ABCA12: variants seen among roughly 807,000 people sequenced by gnomAD.
The protein encoded by ABCA12 is glucosylceramide transporter ABCA12.
ABCA12 carries 156 observed loss-of-function variants against 293.5 expected under a neutral mutation model. The observed-to-expected ratio is 0.53, with a 90% CI of 0.47 to 0.61. The LOEUF (loss-of-function observed/expected upper bound fraction) is 0.61, where lower values mean the gene tolerates loss of function less well. ABCA12 is among the 20% of genes least tolerant of loss of function. The pLI, the probability that ABCA12 is intolerant of heterozygous loss-of-function variation, is 0.00. For missense variants in ABCA12, 2,797 were observed against 3,090.2 expected (o/e 0.91, Z 2.25); for synonymous variants, 1,063 against 1,108.0 (o/e 0.96, Z 0.81).
chr2:215,106,703 T>C (rs904245966), intron 2 of ABCA12, among the ~76,000 whole-genome samples: 2 of 150,980 alleles, frequency 1.3e-5, no homozygotes, highest in African/African-American at 4.9e-5. Context: ...TCATCCCTGT[T>C]ATTACTTGTA....
intron 1 of ABCA12, among the ~76,000 whole-genome samples, chr2:215,134,340 A>ACGTATATG (rs1559213648): frequency 6.9e-6 from 1 of 144,584 alleles, no homozygotes; most frequent in Non-Finnish European, 1.5e-5. Flanking sequence ...GTACATATAT[A>ACGTATATG]TGTATATGTG....
At chr2:215,122,120 A>G (rs186110566) in intron 1 of ABCA12, among the ~76,000 whole-genome samples, 1 of 152,316 alleles carries the variant, frequency 6.6e-6, no homozygotes, top group East Asian at 1.9e-4. Context: ...TACAGAAGCA[A>G]CGGATTTTTA....
intron 51 of ABCA12, among the ~76,000 whole-genome samples, chr2:214,936,734 A>G (rs905469132): frequency 6.6e-6 from 1 of 152,116 alleles, no homozygotes; most frequent in Non-Finnish European, 1.5e-5. Context: ...TCCTGCTCCA[A>G]CTTTTGTGGG....
At chr2:214,967,079 C>A in intron 38 of ABCA12, 126 bp from the exon 39 acceptor site, 2 of 855,666 alleles carry the variant, frequency 2.3e-6, no homozygotes, top group East Asian at 5.3e-5. Flanking sequence ...TTTATTTTAT[C>A]TTGGAAGATT....
intron 3 of ABCA12, among the ~76,000 whole-genome samples, chr2:215,063,319 TATA>T (rs530660122): frequency 4.3e-4 from 66 of 152,166 alleles, no homozygotes; most frequent in African/African-American, 1.6e-3. Flanking sequence ...TATAGATAAA[TATA>T]ATATTTTCTT....
At position 214,956,810 on chromosome 2, in the gene ABCA12, G is replaced by A. The variant is rs376801730; in HGVS notation, c.6118-32C>T. ...AAATATTCAAAACAATGTTTAATAC[G>A]TGACAAGCATTTTTCAAAAAAAAAA... On this transcript the variant is annotated intron_variant, in intron 41 of 52. Transcript: ENST00000272895. The A allele has an allele frequency of 4.3e-5, 62 of 1,430,110 alleles. No individual in the cohort carries two copies. In the East Asian group the frequency reaches 5.5e-4, roughly 13 times the overall value. 88.6% of individuals were successfully genotyped at this position (1,430,110 alleles called of 1,614,324 possible). A position where few individuals can be genotyped will look rare whatever the true frequency, so the allele number is the denominator to read the frequency against.
intron 6 of ABCA12, among the ~76,000 whole-genome samples, chr2:215,048,964 G>C (rs1463181077): frequency 6.6e-6 from 1 of 152,252 alleles, no homozygotes; most frequent in East Asian, 1.9e-4. Flanking sequence ...AGAACACGTG[G>C]ACACAAAGAG....
At chr2:215,047,036 GAC>G (rs751471842) in intron 6 of ABCA12, among the ~76,000 whole-genome samples, 2 of 152,106 alleles carry the variant, frequency 1.3e-5, no homozygotes, top group Non-Finnish European at 2.9e-5. Context: ...AGAACACATG[GAC>G]ACACAGAGGG....
At chr2:215,131,700 T>TC (rs1244619101) in intron 1 of ABCA12, among the ~76,000 whole-genome samples, 1 of 75,042 alleles carries the variant, frequency 1.3e-5, no homozygotes, top group Non-Finnish European at 2.5e-5. Flanking sequence ...ATCCTTTCTA[T>TC]TGTTTTTTTT....
chr2:214,982,149 G>C, intron 30 of ABCA12, 38 bp downstream of exon 30: 1 of 1,605,040 alleles, frequency 6.2e-7, no homozygotes, highest in Non-Finnish European at 8.5e-7. Context: ...GCAGAAGTAT[G>C]ACTGTTGGGT....
rs547242930 is a variant in ABCA12, at chr2:214,959,517, C to T, written c.5885-439G>A. On this transcript the variant is annotated intron_variant, in intron 39 of 52. Transcript: ENST00000272895. ...TCCCTTAAAGAGCAGACAGTTACTTCCCCCATCCCTCTTTAGTGCTGTCTG... is the reference window on the plus strand; with the variant it reads ...TCCCTTAAAGAGCAGACAGTTACTTTCCCCATCCCTCTTTAGTGCTGTCTG... Among the ~76,000 whole-genome samples, 4 of 152,240 alleles carry T rather than the reference C, an allele frequency of 2.6e-5. No individual in the cohort carries two copies. The South Asian group carries it at 8.3e-4, about 32-fold the overall frequency.
At chr2:214,986,753 T>G in intron 27 of ABCA12, 25 bp from the exon 28 acceptor site, 1 of 1,607,588 alleles carries the variant, frequency 6.2e-7, no homozygotes, top group Middle Eastern at 1.7e-4. Flanking sequence ...AGGGAAGAGT[T>G]GTAAACTCAC....
chr2:214,937,543 G>A lies in ABCA12; in HGVS notation c.7509C>T (p.Phe2503=). Residue 2503 remains phenylalanine, a synonymous_variant, in exon 51 of 53, where the codon TTC becomes TTT. Transcript: ENST00000272895. ...NKVTMETLTK[F]MQLHFPKTYL... is the part of the protein sequence containing the mutation. Reference sequence around the variant, plus strand: ...ATGTTTTTGGAAAGTGCAGCTGCATGAACTTTGTGAGGGTCTCCATGGTCA... The same window carrying A: ...ATGTTTTTGGAAAGTGCAGCTGCATAAACTTTGTGAGGGTCTCCATGGTCA... 2 of 1,613,914 alleles carry A rather than the reference G, an allele frequency of 1.2e-6. No individual in the cohort carries two copies. Among genetic ancestry groups the A allele is most frequent in the Non-Finnish European group, 1.7e-6 (2 of 1,179,890 alleles).
Position 215,019,700 on chromosome 2 carries a change from T to G in ABCA12, c.1384A>C (p.Ser462Arg). 1 of 1,614,124 alleles carries G rather than the reference T, an allele frequency of 6.2e-7. No homozygotes were observed. Among genetic ancestry groups the G allele is most frequent in the Non-Finnish European group, 8.5e-7 (1 of 1,180,004 alleles). ...TCAAACTCACTTTCTTCACACAGGC[T>G]CCCAAAGCTCATATCAGAGAGCTGG... is the stretch of plus-strand genomic sequence containing the variant. Reference protein sequence around the residue: ...SCQLSDMSFGSLCEESEFDLQ... With the variant: ...SCQLSDMSFGRLCEESEFDLQ... The change falls in exon 12 of 53, where the codon AGC (serine) becomes CGC (arginine). Residue 462 changes from serine to arginine, a missense_variant. Coordinates refer to ENST00000272895, the MANE Select transcript of ABCA12 (RefSeq NM_173076.3).
At chr2:214,942,004 G>A (rs935057264) in intron 50 of ABCA12, among the ~76,000 whole-genome samples, 2 of 152,044 alleles carry the variant, frequency 1.3e-5, no homozygotes, top group African/African-American at 2.4e-5. Flanking sequence ...TCATTATGAC[G>A]CTAGCTGGTT....
chr2:214,952,662 C>T (rs747303708), intron 44 of ABCA12, among the ~76,000 whole-genome samples: 1 of 152,192 alleles, frequency 6.6e-6, no homozygotes, highest in Non-Finnish European at 1.5e-5. Flanking sequence ...TACACTTCTT[C>T]AAGCACAACT....
Position 215,138,123 on chromosome 2 carries a change from AC to A in ABCA12, c.69+16del. 6.2e-7 allele frequency: 1 copy of A among 1,613,052 alleles called. No individual in the cohort carries two copies. The highest frequency in any genetic ancestry group is 8.5e-7 in the Non-Finnish European group (1 of 1,179,222). On this transcript the variant is annotated intron_variant, in intron 1 of 52. Transcript: ENST00000272895. Reference sequence around the variant, plus strand: ...ATTGCCCCATGACCCATACTCCCACACTTTTTTTTAACTCACCGGCTGCCTT... The same window carrying A: ...ATTGCCCCATGACCCATACTCCCACATTTTTTTTAACTCACCGGCTGCCTT...
At chr2:215,131,964 T>C (rs1703069062) in intron 1 of ABCA12, among the ~76,000 whole-genome samples, 1 of 152,008 alleles carries the variant, frequency 6.6e-6, no homozygotes, top group Non-Finnish European at 1.5e-5. Context: ...TTGCATTTTT[T>C]TAATTTCTGC....
At chr2:215,020,280 G>T (rs1700599305) in intron 11 of ABCA12, among the ~76,000 whole-genome samples, 1 of 108,244 alleles carries the variant, frequency 9.2e-6, no homozygotes, top group South Asian at 3.7e-4. Flanking sequence ...TGCACTGTTG[G>T]TGGGAATGTA....
Sources: allele counts gnomAD v4.1 joint callset (sites outside exome capture counted in the v4.1 genomes callset), GRCh38; gene constraint gnomAD v4.1.1; transcripts MANE v1.5; gene names NCBI Gene and HGNC (gene_info 2026-07-23, HGNC 2026-07-21).